Variants in ZNF366 observed in about 807,000 individuals in gnomAD.
The protein encoded by ZNF366 is zinc finger protein 366.
In ZNF366, 20 loss-of-function variants were observed where a neutral mutation model predicts 47.2. The ratio of observed to expected loss-of-function variants is 0.42; its 90% CI spans 0.30 to 0.62. The LOEUF (loss-of-function observed/expected upper bound fraction) is 0.62, where lower values mean the gene tolerates loss of function less well. Ranked by LOEUF, ZNF366 falls within the 20% of genes least tolerant of loss-of-function variation. The pLI, the probability that ZNF366 is intolerant of heterozygous loss-of-function variation, is 0.16. For missense variants in ZNF366, 987 were observed against 976.3 expected, an observed-to-expected ratio of 1.01 and a Z score of -0.15; for synonymous variants, 421 against 395.1, an observed-to-expected ratio of 1.07 and a Z score of -0.78.
At chr5:72,499,319 A>G (rs1447718758) in intron 1 of ZNF366, among the ~76,000 whole-genome samples, 2 of 152,158 alleles carry the variant, frequency 1.3e-5, no homozygotes, top group East Asian at 1.9e-4. Context: ...TGTTTCCTGA[A>G]TATCAAGAAA....
chr5:72,505,401 C>A (rs1193402207), intron 1 of ZNF366, among the ~76,000 whole-genome samples: 4 of 152,192 alleles, frequency 2.6e-5, no homozygotes, highest in Non-Finnish European at 5.9e-5. Flanking sequence ...ATTGAATACA[C>A]TTTTTTCTTT....
At chr5:72,455,387 A>T (rs1161589208) in intron 3 of ZNF366, among the ~76,000 whole-genome samples, 3 of 152,204 alleles carry the variant, frequency 2.0e-5, no homozygotes, top group Non-Finnish European at 2.9e-5. Flanking sequence ...GCAGAGTATC[A>T]TTTGAACCCG....
At chr5:72,449,118 T>G (rs1446863045) in intron 3 of ZNF366, among the ~76,000 whole-genome samples, 1 of 152,202 alleles carries the variant, frequency 6.6e-6, no homozygotes, top group Non-Finnish European at 1.5e-5. Context: ...TAGATGACTC[T>G]TTTATTCTCA....
Position 72,470,249 on chromosome 5 carries a change from G to T in ZNF366, c.-14-8739C>A, listed in dbSNP as rs529953126. 3.7e-4 allele frequency among the ~76,000 whole-genome samples: 56 copies of T among 152,084 alleles called. 1 individual carries two copies. The highest frequency in any genetic ancestry group is 6.9e-4 in the Non-Finnish European group (47 of 68,026). On this transcript the variant is annotated intron_variant, in intron 1 of 4. Transcript: ENST00000318442. ...ATTATAATAATCTCCACACTTGCAG[G>T]CCAAATCCTAAGTTGCCATGGCCCC...
intron 1 of ZNF366, among the ~76,000 whole-genome samples, chr5:72,502,039 CT>C (rs376984539): frequency 1.2e-4 from 18 of 150,354 alleles, no homozygotes; most frequent in South Asian, 4.2e-4. Flanking sequence ...GTTTGACTAA[CT>C]TTTTTTTTTC....
rs150590489 is a variant in ZNF366, at chr5:72,462,696, G to A, written c.-14-1186C>T. On this transcript the variant is annotated intron_variant, in intron 1 of 4. Coordinates refer to ENST00000318442, the MANE Select transcript of ZNF366 (RefSeq NM_152625.3). ...CTCCTGAGTAGCTGAGATTACAGGT[G>A]TGCGCCACCACGCCCTGTTAATCTT... Among the ~76,000 whole-genome samples the A allele has an allele frequency of 8.6e-5, 13 of 151,974 alleles. No individual in the cohort carries two copies. In the East Asian group the frequency reaches 2.5e-3, roughly 29 times the overall value.
At position 72,486,935 on chromosome 5, in the gene ZNF366, G is replaced by A. The variant is rs534322274; in HGVS notation, c.-15+20316C>T. On this transcript the variant is annotated intron_variant, in intron 1 of 4. Transcript: ENST00000318442. ...TGGGATTACAGGCGCCTGCCACCAC[G>A]CCTGGCTGCTTTTTGTATTTTAGTA... Among the ~76,000 whole-genome samples the A allele has an allele frequency of 1.1e-4, 17 of 152,074 alleles. No homozygotes were observed. In the South Asian group the frequency reaches 2.3e-3, roughly 20 times the overall value.
At chr5:72,461,633 C>G (rs1580238510) in intron 1 of ZNF366, 123 bp from the exon 2 acceptor site, 2 of 1,268,394 alleles carry the variant, frequency 1.6e-6, no homozygotes, top group Middle Eastern at 2.1e-4. Flanking sequence ...TAATATGGAC[C>G]CTCATTTATC....
intron 3 of ZNF366, among the ~76,000 whole-genome samples, chr5:72,453,121 C>T (rs187342154): frequency 1.3e-5 from 2 of 152,324 alleles, no homozygotes; most frequent in Non-Finnish European, 2.9e-5. Context: ...AACATTTCTG[C>T]GTGCTAGGGA....
In ZNF366 at chr5:72,444,067, G is replaced by A. The variant is rs370550216; in HGVS notation, c.1924C>T (p.Leu642Phe). 30 of 1,614,060 alleles carry A rather than the reference G, an allele frequency of 1.9e-5. No homozygotes were observed. The highest frequency in any genetic ancestry group is 2.5e-5 in the Non-Finnish European group (30 of 1,180,026). The change falls in exon 5 of 5, where the codon CTC becomes TTC. Residue 642 changes from leucine (L) to phenylalanine (F), a missense_variant. Transcript: ENST00000318442. ...GTGGACAGATCCTCGGGTGTGCAGA[G>A]CTGCTGGCTCTGGGGGGCCAGGCCA... ...SPGLAPQSQQ[L>F]CTPEDLSTKS...
intron 1 of ZNF366, among the ~76,000 whole-genome samples, chr5:72,474,014 T>A (rs1460494724): frequency 6.6e-6 from 1 of 152,228 alleles, no homozygotes; most frequent in Non-Finnish European, 1.5e-5. Flanking sequence ...CAAATTAATG[T>A]TGCCATTGGT....
At chr5:72,457,825 G>A (rs956706547) in intron 2 of ZNF366, among the ~76,000 whole-genome samples, 2 of 152,066 alleles carry the variant, frequency 1.3e-5, no homozygotes, top group African/African-American at 4.8e-5. Context: ...CCAGATGATG[G>A]TACATGAGTA....
intron 1 of ZNF366, among the ~76,000 whole-genome samples, chr5:72,498,913 C>T (rs1309912153): frequency 6.6e-6 from 1 of 152,202 alleles, no homozygotes; most frequent in Non-Finnish European, 1.5e-5. Context: ...GGGATTTTCT[C>T]ACCATTAAAT....
intron 3 of ZNF366, among the ~76,000 whole-genome samples, chr5:72,452,536 C>T (rs1042780740): frequency 2.0e-5 from 3 of 152,216 alleles, no homozygotes. Flanking sequence ...TCAAAGCCCC[C>T]CATCTGGTTT....
At position 72,441,185 on chromosome 5, in the gene ZNF366, G is replaced by T. The variant is rs1742848883; in HGVS notation, c.*2571C>A. Reference sequence around the variant, plus strand: ...CAAACATTCCCATGAGGTTTGTTTTGGTTGGAAAGGACTAGAGCCTGTTAC... The same window carrying T: ...CAAACATTCCCATGAGGTTTGTTTTTGTTGGAAAGGACTAGAGCCTGTTAC... On this transcript the variant is annotated 3_prime_UTR_variant, in exon 5 of 5. Coordinates refer to ENST00000318442, the MANE Select transcript of ZNF366 (RefSeq NM_152625.3). 1 of 152,130 alleles carries T rather than the reference G, an allele frequency of 6.6e-6. No homozygotes were observed. The highest frequency in any genetic ancestry group is 1.5e-5 in the Non-Finnish European group (1 of 68,034). 9.4% of individuals were successfully genotyped at this position (152,130 alleles called of 1,614,324 possible).
chr5:72,476,379 G>A (rs1743675484), intron 1 of ZNF366, among the ~76,000 whole-genome samples: 1 of 152,090 alleles, frequency 6.6e-6, no homozygotes, highest in East Asian at 1.9e-4. Flanking sequence ...GCCATCCTAG[G>A]CTGAAAAGTA....
intron 1 of ZNF366, among the ~76,000 whole-genome samples, chr5:72,464,533 C>CA (rs551123332): frequency 3.3e-4 from 47 of 142,896 alleles, no homozygotes; most frequent in East Asian, 6.1e-4. Flanking sequence ...CCTAGTAAAG[C>CA]AAAAAAAAAA....
intron 1 of ZNF366, among the ~76,000 whole-genome samples, chr5:72,474,671 C>G (rs1743637506): frequency 6.6e-6 from 1 of 152,086 alleles, no homozygotes; most frequent in African/African-American, 2.4e-5. Context: ...CACACACACA[C>G]ACACAGACAC....
chr5:72,448,254 G>GGTT (rs1487444456), intron 3 of ZNF366, among the ~76,000 whole-genome samples: 1 of 7,168 alleles, frequency 1.4e-4, no homozygotes, highest in Non-Finnish European at 8.6e-4. Flanking sequence ...TAGTATCTCA[G>GGTT]GTGTACAGGA....
Sources: allele counts gnomAD v4.1 joint callset (sites outside exome capture counted in the v4.1 genomes callset), GRCh38; gene constraint gnomAD v4.1.1; transcripts MANE v1.5; gene names NCBI Gene and HGNC (gene_info 2026-07-23, HGNC 2026-07-21).